DOCK4: variants seen among roughly 807,000 people sequenced by gnomAD.
The protein encoded by DOCK4 is dedicator of cytokinesis 4.
Under a neutral mutation model 268.1 loss-of-function variants are expected in DOCK4, and 97 were observed. The observed-to-expected ratio is 0.36, with a 90% CI of 0.31 to 0.43. The LOEUF is 0.43. Among genes scored for constraint, DOCK4 ranks in the 20% least tolerant of loss-of-function variants. The probability of loss-of-function intolerance (pLI) is 1.00; values close to 1 mark genes in which losing one functional copy is unlikely to be tolerated. For missense variants in DOCK4, 2,145 were observed against 2,455.7 expected (o/e 0.87, Z 2.67); for synonymous variants, 954 against 887.2 (o/e 1.08, Z -1.34).
In DOCK4 at chr7:112,004,130, A is replaced by G; in HGVS notation, c.39T>C (p.Val13=). 6.3e-7 allele frequency: 1 copy of G among 1,578,620 alleles called. No homozygotes were observed. The change falls in exon 2 of 53, where the codon GTT becomes GTC. Residue 13 remains valine (V), a splice_region_variant and synonymous_variant. Coordinates refer to ENST00000428084, the MANE Select transcript of DOCK4 (RefSeq NM_001363540.2). Reference sequence around the variant, plus strand: ...GAACGGTTCCTCGGAAACTGGCAATAACTGTAAAAAATGATAAAGAATATA... The same window carrying G: ...GAACGGTTCCTCGGAAACTGGCAATGACTGTAAAAAATGATAAAGAATATA... ...IPTEHEKYGV[V]IASFRGTVPY... is the part of the protein sequence containing the mutation.
chr7:112,104,690 A>C (rs1183312538), intron 1 of DOCK4, among the ~76,000 whole-genome samples: 1 of 152,210 alleles, frequency 6.6e-6, no homozygotes, highest in Non-Finnish European at 1.5e-5. Flanking sequence ...TGGTGTTTTA[A>C]ATTTGTGCTA....
intron 29 of DOCK4, 119 bp downstream of exon 29, chr7:111,809,182 T>C (rs775140889): frequency 1.4e-5 from 12 of 839,622 alleles, no homozygotes; most frequent in Non-Finnish European, 2.2e-5. Context: ...TCTTGACCCC[T>C]TGGTCACTGG....
intron 1 of DOCK4, among the ~76,000 whole-genome samples, chr7:112,195,524 T>C (rs923329280): frequency 2.0e-5 from 3 of 152,020 alleles, no homozygotes; most frequent in Non-Finnish European, 4.4e-5. Flanking sequence ...TCAACCAACT[T>C]TGGCTACCAG....
At chr7:112,077,222 G>A (rs569515506) in intron 1 of DOCK4, among the ~76,000 whole-genome samples, 7 of 152,162 alleles carry the variant, frequency 4.6e-5, no homozygotes, top group African/African-American at 1.2e-4. Flanking sequence ...GGACAATTAC[G>A]TGGTAAATTA....
At chr7:111,886,246 C>A (rs1807828051) in intron 16 of DOCK4, among the ~76,000 whole-genome samples, 1 of 152,086 alleles carries the variant, frequency 6.6e-6, no homozygotes, top group Non-Finnish European at 1.5e-5. Flanking sequence ...TTAATAAAAA[C>A]CAGATTTAAA....
intron 1 of DOCK4, among the ~76,000 whole-genome samples, chr7:112,120,280 AT>A (rs1430080202): frequency 3.3e-5 from 5 of 151,980 alleles, no homozygotes; most frequent in South Asian, 2.1e-4. Context: ...TAATTGCAGA[AT>A]TTTTTTTCAT....
chr7:112,119,447 G>T (rs955212252), intron 1 of DOCK4, among the ~76,000 whole-genome samples: 2 of 152,154 alleles, frequency 1.3e-5, no homozygotes, highest in African/African-American at 4.8e-5. Context: ...ACCATCTCAG[G>T]ATGGCTTCAG....
chr7:112,053,984 T>A (rs1284916216), intron 1 of DOCK4, among the ~76,000 whole-genome samples: 2 of 152,042 alleles, frequency 1.3e-5, no homozygotes, highest in Non-Finnish European at 2.9e-5. Flanking sequence ...GGGCATTTCT[T>A]ATGAAGCACT....
intron 1 of DOCK4, among the ~76,000 whole-genome samples, chr7:112,055,664 C>G (rs1001276230): frequency 6.6e-6 from 1 of 152,246 alleles, no homozygotes; most frequent in East Asian, 1.9e-4. Context: ...TCCCAGCACT[C>G]TGGGAGGCTG....
intron 9 of DOCK4, among the ~76,000 whole-genome samples, chr7:111,945,311 G>C (rs559658840): frequency 3.3e-5 from 5 of 152,074 alleles, no homozygotes; most frequent in Non-Finnish European, 7.4e-5. Flanking sequence ...TCAGCCTCCC[G>C]AGTAACTGGG....
intron 1 of DOCK4, among the ~76,000 whole-genome samples, chr7:112,104,200 C>G (rs1810938348): frequency 6.6e-6 from 1 of 152,184 alleles, no homozygotes; most frequent in Non-Finnish European, 1.5e-5. Context: ...CATTAGTGAA[C>G]AGGGTTAGGT....
intron 1 of DOCK4, among the ~76,000 whole-genome samples, chr7:112,081,380 T>C (rs1417665242): frequency 6.6e-6 from 1 of 152,082 alleles, no homozygotes; most frequent in Non-Finnish European, 1.5e-5. Context: ...AGAAGCTGGT[T>C]ATTACAGTCA....
At chr7:111,971,725 C>T in intron 8 of DOCK4, 3 of 319,758 alleles carry the variant, frequency 9.4e-6, no homozygotes, top group Non-Finnish European at 1.1e-5. Context: ...CCAGCTTATG[C>T]AGCTGAGTAG....
intron 26 of DOCK4, among the ~76,000 whole-genome samples, chr7:111,825,542 C>T (rs1802329445): frequency 1.3e-5 from 2 of 152,168 alleles, no homozygotes; most frequent in South Asian, 4.1e-4. Context: ...TGAAAAAGAA[C>T]ATTGCCATGC....
chr7:112,032,937 A>G (rs1398230966), intron 1 of DOCK4, among the ~76,000 whole-genome samples: 1 of 152,224 alleles, frequency 6.6e-6, no homozygotes, highest in Non-Finnish European at 1.5e-5. Flanking sequence ...AAAGGGGAAA[A>G]GAGGCATTAA....
intron 1 of DOCK4, among the ~76,000 whole-genome samples, chr7:112,169,822 T>C (rs1032537413): frequency 1.3e-5 from 2 of 152,156 alleles, no homozygotes; most frequent in Non-Finnish European, 2.9e-5. Flanking sequence ...GCTTCACCAG[T>C]CCAAATTCAG....
At chr7:112,183,647 A>C (rs1819242891) in intron 1 of DOCK4, among the ~76,000 whole-genome samples, 1 of 152,196 alleles carries the variant, frequency 6.6e-6, no homozygotes, top group Non-Finnish European at 1.5e-5. Flanking sequence ...AGGGCTGTCC[A>C]ATCACTCATT....
At chr7:111,853,541 T>C (rs1370969310) in intron 23 of DOCK4, among the ~76,000 whole-genome samples, 1 of 152,136 alleles carries the variant, frequency 6.6e-6, no homozygotes, top group Admixed American at 6.5e-5. Flanking sequence ...TTTCAGACAC[T>C]GGAATACAGA....
intron 1 of DOCK4, among the ~76,000 whole-genome samples, chr7:112,151,183 G>A (rs2116392614): frequency 6.6e-6 from 1 of 152,226 alleles, no homozygotes; most frequent in South Asian, 2.1e-4. Flanking sequence ...CTACAGCTAG[G>A]GCAATTTAGT....
Sources: gnomAD v4.1 joint callset for allele counts (sites outside exome capture counted in the v4.1 genomes callset) on GRCh38, gnomAD v4.1.1 for gene constraint, MANE v1.5 for transcripts, NCBI Gene and HGNC (gene_info 2026-07-23, HGNC 2026-07-21) for gene names.